Variants in TNIK observed in about 807,000 individuals in gnomAD.
TNIK encodes TRAF2 and NCK-interacting protein kinase.
In TNIK, 49 loss-of-function variants were observed where a neutral mutation model predicts 191.3. The observed-to-expected ratio is 0.26, with a 90% CI of 0.20 to 0.32. The LOEUF (loss-of-function observed/expected upper bound fraction) is 0.32. Ranked by LOEUF, TNIK falls within the 10% of genes least tolerant of loss-of-function variation. The probability of loss-of-function intolerance (pLI) is 1.00; values close to 1 mark genes in which losing one functional copy is unlikely to be tolerated. For synonymous variants in TNIK, 594 were observed against 600.9 expected (o/e 0.99, Z 0.17); for missense variants, 1,155 against 1,702.3 (o/e 0.68, Z 5.66).
intron 1 of TNIK, among the ~76,000 whole-genome samples, chr3:171,389,848 T>C (rs950191473): frequency 2.1e-4 from 32 of 152,224 alleles, no homozygotes; most frequent in Admixed American, 1.6e-3. Context: ...CCGTTCATTA[T>C]TGAAACTTTA....
chr3:171,108,124 C>T lies in TNIK; in HGVS notation c.2323G>A (p.Glu775Lys). 1 of 1,576,700 alleles carries T rather than the reference C, an allele frequency of 6.3e-7. No homozygotes were observed. Among genetic ancestry groups the T allele is most frequent in the South Asian group, 1.2e-5 (1 of 85,498 alleles). The change falls in exon 20 of 33, where the codon GAG becomes AAG. Residue 775 changes from glutamate (E) to lysine (K), a missense_variant. Physicochemically the swap from Glu to Lys is moderately conservative, Grantham distance 56. Coordinates refer to ENST00000436636, the MANE Select transcript of TNIK (RefSeq NM_015028.4). ...TCTTCTGGTTTCACCTTCGCAGGCT[C>T]ATGGGGGAGCACAGGTGATCCTTCT... ...KSEGSPVLPH[E>K]PAKVKPEESR...
At chr3:171,230,072 A>G (rs1743432021) in intron 2 of TNIK, among the ~76,000 whole-genome samples, 1 of 152,144 alleles carries the variant, frequency 6.6e-6, no homozygotes, top group South Asian at 2.1e-4. Context: ...AACTCTTTCC[A>G]TCCCAAGCAG....
intron 26 of TNIK, 49 bp from the exon 27 acceptor site, chr3:171,082,443 C>A: frequency 1.3e-6 from 2 of 1,585,270 alleles, no homozygotes; most frequent in Non-Finnish European, 1.7e-6. Context: ...GAACTTTAAT[C>A]TTCTGCATCG....
intron 2 of TNIK, among the ~76,000 whole-genome samples, chr3:171,295,451 C>T (rs532953951): frequency 6.6e-6 from 1 of 152,192 alleles, no homozygotes; most frequent in Non-Finnish European, 1.5e-5. Flanking sequence ...TAGACCTCCA[C>T]CACGGGAATC....
chr3:171,104,825 T>C (rs967837386), intron 21 of TNIK, among the ~76,000 whole-genome samples: 2 of 152,214 alleles, frequency 1.3e-5, no homozygotes, highest in Admixed American at 1.3e-4. Context: ...GAACCCCTAG[T>C]TATTGTTCAC....
At chr3:171,211,385 C>T (rs1577132971) in intron 3 of TNIK, 144 bp from the exon 4 acceptor site, 1 of 975,960 alleles carries the variant, frequency 1.0e-6, no homozygotes, top group East Asian at 2.5e-5. Flanking sequence ...GGGCAAAGAA[C>T]AATTCTAAAA....
chr3:171,132,579 T>A (rs920877066), intron 15 of TNIK, among the ~76,000 whole-genome samples: 2 of 152,192 alleles, frequency 1.3e-5, no homozygotes, highest in Admixed American at 6.5e-5. Flanking sequence ...AAAATAAATT[T>A]TTTAAAAAGT....
intron 1 of TNIK, among the ~76,000 whole-genome samples, chr3:171,455,062 G>T (rs1728635852): frequency 6.6e-6 from 1 of 152,142 alleles, no homozygotes; most frequent in African/African-American, 2.4e-5. Flanking sequence ...AAACTTCAGG[G>T]CTGCACTTAC....
intron 1 of TNIK, among the ~76,000 whole-genome samples, chr3:171,410,603 C>T (rs1481863537): frequency 1.3e-5 from 2 of 151,916 alleles, no homozygotes; most frequent in African/African-American, 2.4e-5. Context: ...CACGGTGAAA[C>T]CCCGTCTCTA....
intron 24 of TNIK, 111 bp downstream of exon 24, chr3:171,087,231 A>G: frequency 6.7e-7 from 1 of 1,489,958 alleles, no homozygotes; most frequent in Non-Finnish European, 9.1e-7. Context: ...GTAGAAACCA[A>G]CCAAACAAGT....
chr3:171,261,748 G>A (rs1156657294), intron 2 of TNIK, among the ~76,000 whole-genome samples: 2 of 152,140 alleles, frequency 1.3e-5, no homozygotes, highest in Non-Finnish European at 2.9e-5. Flanking sequence ...CAATGGGCGA[G>A]GCACCCTCTT....
chr3:171,133,376 AG>A (rs1207508659), intron 15 of TNIK, among the ~76,000 whole-genome samples: 1 of 152,260 alleles, frequency 6.6e-6, no homozygotes, highest in Non-Finnish European at 1.5e-5. Context: ...TATGAAATCC[AG>A]ACCAAAACAA....
At chr3:171,261,792 C>T (rs1367697003) in intron 2 of TNIK, among the ~76,000 whole-genome samples, 5 of 152,074 alleles carry the variant, frequency 3.3e-5, no homozygotes, top group Admixed American at 3.3e-4. Context: ...TAAACAAATG[C>T]AGACCATTTC....
intron 1 of TNIK, among the ~76,000 whole-genome samples, chr3:171,452,451 T>A (rs1387551083): frequency 6.6e-6 from 1 of 151,866 alleles, no homozygotes; most frequent in Non-Finnish European, 1.5e-5. Context: ...TCCAAACCAC[T>A]CATCTTACAT....
intron 28 of TNIK, among the ~76,000 whole-genome samples, chr3:171,077,338 A>G (rs144270714): frequency 1.9e-3 from 290 of 152,140 alleles, no homozygotes; most frequent in Admixed American, 3.8e-3. Context: ...CTGGACTACT[A>G]GGTTTAGTTA....
At chr3:171,320,785 A>G (rs532663059) in intron 2 of TNIK, among the ~76,000 whole-genome samples, 3 of 152,322 alleles carry the variant, frequency 2.0e-5, no homozygotes, top group Non-Finnish European at 4.4e-5. Flanking sequence ...CTGCATTCAC[A>G]TGACTTTCCA....
chr3:171,249,702 T>C (rs1169175927), intron 2 of TNIK, among the ~76,000 whole-genome samples: 1 of 152,190 alleles, frequency 6.6e-6, no homozygotes. Flanking sequence ...TCTTGTACGA[T>C]ATATATTAAG....
Position 171,157,546 on chromosome 3 carries a change from C to G in TNIK, c.1135G>C (p.Glu379Gln). The stretch of plus-strand genomic sequence containing the variant: ...AGCTGCCGCTTGTGCTCCTCATTCT[C>G]CCGCTGCTGCTGCTCCAGCTGCTGC... ...RRQQLEQQQRENEEHKRQLLA... is the reference protein window; with the variant it reads ...RRQQLEQQQRQNEEHKRQLLA... Residue 379 changes from glutamate to glutamine, a missense_variant, in exon 12 of 33, where the codon GAG becomes CAG. Coordinates refer to ENST00000436636, the MANE Select transcript of TNIK (RefSeq NM_015028.4). The G allele has an allele frequency of 1.3e-6, 2 of 1,565,024 alleles. No individual in the cohort carries two copies. The highest frequency in any genetic ancestry group is 1.7e-6 in the Non-Finnish European group (2 of 1,155,034).
intron 23 of TNIK, among the ~76,000 whole-genome samples, chr3:171,090,803 G>A (rs1721964956): frequency 6.6e-6 from 1 of 152,294 alleles, no homozygotes; most frequent in Non-Finnish European, 1.5e-5. Context: ...AGGGATAAGG[G>A]TATGCACTAC....
Sources: allele counts gnomAD v4.1 joint callset (sites outside exome capture counted in the v4.1 genomes callset), GRCh38; gene constraint gnomAD v4.1.1; transcripts MANE v1.5; gene names NCBI Gene and HGNC (gene_info 2026-07-23, HGNC 2026-07-21).